The following WDR27 variants were observed in gnomAD, a reference collection of about 807,000 sequenced individuals.
The protein encoded by WDR27 is WD repeat domain 27, also known as WD repeat-containing protein 27.
WDR27 carries 100 observed loss-of-function variants against 114.4 expected under a neutral mutation model. That is an observed-to-expected ratio of 0.87 (90% CI 0.74 to 1.03). The LOEUF is 1.03. Ranked by LOEUF, WDR27 falls within the 50% of genes least tolerant of loss-of-function variation. The pLI is 0.00. For missense variants in WDR27, 1,129 were observed against 1,092.9 expected (o/e 1.03, Z -0.47); for synonymous variants, 449 against 423.1 (o/e 1.06, Z -0.75).
intron 25 of WDR27, among the ~76,000 whole-genome samples, chr6:169,473,563 G>T (rs948938956): frequency 1.3e-5 from 2 of 152,098 alleles, no homozygotes; most frequent in Admixed American, 1.3e-4. Context: ...AATTTAAAAT[G>T]AATGACTAAC....
intron 2 of WDR27, among the ~76,000 whole-genome samples, chr6:169,687,996 T>C (rs1585171673): frequency 6.6e-6 from 1 of 152,038 alleles, no homozygotes; most frequent in Non-Finnish European, 1.5e-5. Flanking sequence ...ATACAACAAA[T>C]GTCTACCAAC....
chr6:169,588,158 C>T (rs1173742375), intron 23 of WDR27, among the ~76,000 whole-genome samples: 2 of 152,148 alleles, frequency 1.3e-5, no homozygotes, highest in Non-Finnish European at 2.9e-5. Context: ...TTAAGGGATA[C>T]TTGTAACTCC....
At chr6:169,524,151 T>G (rs1228493787) in intron 25 of WDR27, among the ~76,000 whole-genome samples, 1 of 151,798 alleles carries the variant, frequency 6.6e-6, no homozygotes, top group East Asian at 1.9e-4. Context: ...GCAAACAATC[T>G]TAAAAAGAAA....
At chr6:169,477,875 G>T (rs887205781) in intron 25 of WDR27, among the ~76,000 whole-genome samples, 11 of 152,082 alleles carry the variant, frequency 7.2e-5, no homozygotes, top group Admixed American at 2.6e-4. Context: ...ATTCATAATA[G>T]ATAAAAATTA....
At chr6:169,660,306 G>A (rs577356226) in intron 10 of WDR27, among the ~76,000 whole-genome samples, 6 of 152,306 alleles carry the variant, frequency 3.9e-5, no homozygotes, top group African/African-American at 1.2e-4. Flanking sequence ...TACGCTGTGC[G>A]AGCCTGGGGC....
In WDR27 at chr6:169,613,662, A is replaced by G. The variant is rs755086904; in HGVS notation, c.2224-6T>C. The G allele has an allele frequency of 1.6e-5, 25 of 1,608,136 alleles. No homozygotes were observed. The Admixed American group carries it at 3.0e-4, about 19-fold the overall frequency. ...TGGGTTGTAAATGATGAACCCTATA[A>G]TTTTAAGGGGGAAATCAAGATGTAC... On this transcript the variant is annotated splice_polypyrimidine_tract_variant and splice_region_variant and intron_variant, in intron 21 of 25. Transcript: ENST00000448612.
intron 1 of WDR27, among the ~76,000 whole-genome samples, chr6:169,698,074 G>A (rs1235077877): frequency 6.6e-6 from 1 of 152,168 alleles, no homozygotes. Context: ...AAACAATGGT[G>A]TGAAGCCAAG....
the WDR27 span, among the ~76,000 whole-genome samples, chr6:169,449,627 T>C: frequency 6.6e-6 from 1 of 152,028 alleles, no homozygotes; most frequent in Non-Finnish European, 1.5e-5. Context: ...TGCCTGGAGG[T>C]CATTTGGCCA....
intron 21 of WDR27, among the ~76,000 whole-genome samples, chr6:169,629,787 C>T (rs1815836650): frequency 6.6e-6 from 1 of 151,768 alleles, no homozygotes; most frequent in Admixed American, 6.6e-5. Flanking sequence ...ATTAGCCAGG[C>T]GTGGTGGCCC....
chr6:169,659,266 G>A lies in WDR27; in HGVS notation c.1198-59C>T, dbSNP rs1470466153. On this transcript the variant is annotated intron_variant, in intron 11 of 25. Transcript: ENST00000448612. This position sits in a 1 kb window ranked among gnomAD's most constrained non-coding sequence, Gnocchi z 4.3. ...ACCACCCAGTAAAAGCAGACGAAAC[G>A]TGCATCCGCACACGTATCCTAACAG... 5.1e-6 allele frequency: 8 copies of A among 1,558,956 alleles called. No homozygotes were observed. Among genetic ancestry groups the A allele is most frequent in the South Asian group, 3.6e-5 (3 of 82,338 alleles).
Position 169,672,235 on chromosome 6 carries a change from T to C in WDR27, c.331+20A>G, listed in dbSNP as rs376554980. Reference sequence around the variant, plus strand: ...TTCCTTTTGCAGGTTTTTAAAAACATGTTTTAGATTTTCATTTACCTTGAA... The same window carrying C: ...TTCCTTTTGCAGGTTTTTAAAAACACGTTTTAGATTTTCATTTACCTTGAA... On this transcript the variant is annotated intron_variant, in intron 3 of 25. Coordinates refer to ENST00000448612, the MANE Select transcript of WDR27 (RefSeq NM_182552.5). 4 of 1,610,176 alleles carry C rather than the reference T, an allele frequency of 2.5e-6. No homozygotes were observed. Among genetic ancestry groups the C allele is most frequent in the Non-Finnish European group, 8.5e-7 (1 of 1,178,116 alleles).
intron 25 of WDR27, among the ~76,000 whole-genome samples, chr6:169,504,804 G>T (rs952834760): frequency 1.3e-5 from 2 of 152,026 alleles, no homozygotes; most frequent in African/African-American, 4.8e-5. Flanking sequence ...TTGCTATGTT[G>T]CCCAGGCTGG....
intron 25 of WDR27, among the ~76,000 whole-genome samples, chr6:169,516,176 G>A (rs1032690244): frequency 1.3e-5 from 2 of 152,090 alleles, no homozygotes; most frequent in African/African-American, 4.8e-5. Context: ...GCAACAACTG[G>A]AAGAGCCCTT....
chr6:169,533,823 CTGTG>C (rs71008099), intron 25 of WDR27, among the ~76,000 whole-genome samples: 16,957 of 149,866 alleles, frequency 0.11, 1,900 homozygotes, highest in East Asian at 0.58. Flanking sequence ...GAAGGTAAGC[CTGTG>C]TGTGTGTGTG....
the WDR27 span, among the ~76,000 whole-genome samples, chr6:169,435,408 T>C: frequency 1.3e-5 from 2 of 152,144 alleles, no homozygotes; most frequent in Admixed American, 1.3e-4. Context: ...TGCACCGTGC[T>C]CCTGGAAAAG....
chr6:169,552,706 T>A (rs1398333319), intron 25 of WDR27, among the ~76,000 whole-genome samples: 1 of 152,240 alleles, frequency 6.6e-6, no homozygotes, highest in East Asian at 1.9e-4. Flanking sequence ...TCCCTCACTA[T>A]CTTCTAATAT....
intron 25 of WDR27, among the ~76,000 whole-genome samples, chr6:169,505,449 G>T (rs1362990391): frequency 9.0e-6 from 1 of 110,630 alleles, no homozygotes; most frequent in African/African-American, 2.6e-5. Context: ...ACCATCATAA[G>T]GTACATTTGT....
intron 17 of WDR27, among the ~76,000 whole-genome samples, chr6:169,639,897 C>T (rs1022323187): frequency 7.9e-5 from 12 of 152,116 alleles, no homozygotes; most frequent in South Asian, 4.1e-4. Flanking sequence ...AAAGCAAAGA[C>T]GACCAGGGAT....
At chr6:169,647,296 G>C (rs533548978) in intron 16 of WDR27, among the ~76,000 whole-genome samples, 1 of 152,208 alleles carries the variant, frequency 6.6e-6, no homozygotes, top group Non-Finnish European at 1.5e-5. Flanking sequence ...AAAAGGTCCC[G>C]GCTGAGGGTC....
Sources: allele counts gnomAD v4.1 joint callset (sites outside exome capture counted in the v4.1 genomes callset), GRCh38; gene constraint gnomAD v4.1.1; non-coding constraint Gnocchi (gnomAD v3.1); transcripts MANE v1.5; gene names NCBI Gene and HGNC (gene_info 2026-07-23, HGNC 2026-07-21).